NFAT5: variants seen among roughly 807,000 people sequenced by gnomAD.
The protein encoded by NFAT5 is nuclear factor of activated T-cells 5.
A neutral mutation model predicts 166.5 loss-of-function variants in NFAT5; 31 were observed. The ratio of observed to expected loss-of-function variants is 0.19; its 90% CI spans 0.14 to 0.25. The LOEUF is 0.25. NFAT5 is among the 10% of genes least tolerant of loss of function. The pLI is 1.00. For missense variants in NFAT5, 1,449 were observed against 1,821.8 expected, an observed-to-expected ratio of 0.80 and a Z score of 3.72; for synonymous variants, 612 against 639.7, an observed-to-expected ratio of 0.96 and a Z score of 0.65.
At chr16:69,666,607 C>G (rs1389030858) in intron 7 of NFAT5, among the ~76,000 whole-genome samples, 4 of 152,112 alleles carry the variant, frequency 2.6e-5, no homozygotes, top group Non-Finnish European at 5.9e-5. Flanking sequence ...AAATACAAAT[C>G]AAAACCACAA....
intron 6 of NFAT5, among the ~76,000 whole-genome samples, chr16:69,657,188 TG>T (rs2035915899): frequency 1.3e-5 from 2 of 151,624 alleles, no homozygotes; most frequent in South Asian, 4.2e-4. Context: ...TGCAGTGGAG[TG>T]GCACGATCTC....
In NFAT5 at chr16:69,692,025, A is replaced by G. The variant is rs779328501; in HGVS notation, c.2200A>G (p.Thr734Ala). Reference protein sequence around the residue: ...QQATQFQTRETQSREILQSDG... With the variant: ...QQATQFQTREAQSREILQSDG... ...GGCTACACAGTTTCAGACAAGAGAA[A>G]CTCAGTCTAGAGAGATATTACAGTC... The change falls in exon 13 of 15, where the codon ACT becomes GCT. Residue 734 changes from threonine to alanine, a missense_variant. Physicochemically the swap from Thr to Ala is moderately conservative, Grantham distance 58. Transcript: ENST00000349945. The G allele has an allele frequency of 1.9e-6, 3 of 1,614,196 alleles. No homozygotes were observed. The highest frequency in any genetic ancestry group is 2.5e-6 in the Non-Finnish European group (3 of 1,180,044).
chr16:69,667,799 A>G (rs1241781624), intron 7 of NFAT5, among the ~76,000 whole-genome samples: 1 of 152,186 alleles, frequency 6.6e-6, no homozygotes, highest in African/African-American at 2.4e-5. Context: ...AAAAACAAGT[A>G]TCTATTTCCT....
At chr16:69,595,965 G>C (rs1453363566) in intron 2 of NFAT5, among the ~76,000 whole-genome samples, 1 of 152,134 alleles carries the variant, frequency 6.6e-6, no homozygotes, top group East Asian at 1.9e-4. Context: ...AGCTGGACTC[G>C]CAGGTCAACA....
chr16:69,572,186 C>G (rs1238895556), intron 2 of NFAT5, among the ~76,000 whole-genome samples: 1 of 152,078 alleles, frequency 6.6e-6, no homozygotes, highest in African/African-American at 2.4e-5. Flanking sequence ...AAATTTAATA[C>G]GATGATTGCC....
chr16:69,690,595 TC>T (rs1443709536), intron 11 of NFAT5: 1 of 153,708 alleles, frequency 6.5e-6, no homozygotes, highest in Non-Finnish European at 1.4e-5. Flanking sequence ...AGCTTTATCC[TC>T]CTGGAGATTT....
intron 11 of NFAT5, among the ~76,000 whole-genome samples, chr16:69,690,224 A>C (rs1357978967): frequency 4.6e-5 from 7 of 151,606 alleles, no homozygotes; most frequent in Non-Finnish European, 5.9e-5. Flanking sequence ...AGAACTAACT[A>C]CTCCTGAAAA....
intron 3 of NFAT5, among the ~76,000 whole-genome samples, chr16:69,639,433 T>C (rs1291022625): frequency 6.6e-6 from 1 of 152,162 alleles, no homozygotes; most frequent in Non-Finnish European, 1.5e-5. Context: ...AGAATTCAGA[T>C]TAAAAACTGG....
chr16:69,673,565 A>G (rs922550316), intron 9 of NFAT5, among the ~76,000 whole-genome samples: 3 of 152,114 alleles, frequency 2.0e-5, no homozygotes, highest in African/African-American at 7.2e-5. Context: ...TCTACAAAAA[A>G]TTTAAAATAT....
intron 7 of NFAT5, among the ~76,000 whole-genome samples, chr16:69,664,233 T>C (rs1421979899): frequency 6.6e-6 from 1 of 152,222 alleles, no homozygotes; most frequent in East Asian, 1.9e-4. Flanking sequence ...CAGGTTGAAA[T>C]ATTTGCTTAC....
chr16:69,584,320 CTTT>C (rs544753398), intron 2 of NFAT5, among the ~76,000 whole-genome samples: 246 of 139,678 alleles, frequency 1.8e-3, no homozygotes, highest in South Asian at 2.5e-3. Context: ...TTCTGTGTCT[CTTT>C]TTTTTTTTTT....
intron 2 of NFAT5, among the ~76,000 whole-genome samples, chr16:69,621,019 T>C (rs2034171835): frequency 6.6e-6 from 1 of 152,246 alleles, no homozygotes; most frequent in East Asian, 1.9e-4. Flanking sequence ...CAATAACTTA[T>C]AAAGATTTTT....
At chr16:69,658,773 G>C (rs1392253703) in intron 6 of NFAT5, among the ~76,000 whole-genome samples, 3 of 152,154 alleles carry the variant, frequency 2.0e-5, no homozygotes, top group Non-Finnish European at 2.9e-5. Flanking sequence ...GTTGTAGTGA[G>C]CTGAGGTAGC....
chr16:69,700,228 C>T lies in NFAT5; in HGVS notation c.*3877C>T, dbSNP rs1436915626. 1 of 151,712 alleles carries T rather than the reference C, an allele frequency of 6.6e-6. No individual in the cohort carries two copies. The highest frequency in any genetic ancestry group is 1.5e-5 in the Non-Finnish European group (1 of 67,966). 9.4% of individuals were successfully genotyped at this position (151,712 alleles called of 1,614,324 possible). A position where few individuals can be genotyped will look rare whatever the true frequency, so the allele number is the denominator to read the frequency against. ...CCTTTCTTCCATTCATCCTTCCTTG[C>T]CTTTTATTTTTATTTTTTGTAATAT... is the stretch of plus-strand genomic sequence containing the variant. On this transcript the variant is annotated 3_prime_UTR_variant, in exon 15 of 15. Coordinates refer to ENST00000349945, the MANE Select transcript of NFAT5 (RefSeq NM_138713.4).
At chr16:69,681,872 C>T (rs941894507) in intron 10 of NFAT5, among the ~76,000 whole-genome samples, 1 of 149,360 alleles carries the variant, frequency 6.7e-6, no homozygotes, top group Non-Finnish European at 1.5e-5. Flanking sequence ...AAGCTGAGAT[C>T]GCGCCACTGT....
chr16:69,578,819 C>G (rs2031471166), intron 2 of NFAT5, among the ~76,000 whole-genome samples: 1 of 151,236 alleles, frequency 6.6e-6, no homozygotes, highest in Non-Finnish European at 1.5e-5. Flanking sequence ...TTATAAACAC[C>G]TTGATAATTG....
Position 69,694,134 on chromosome 16 carries a change from G to C in NFAT5, c.4309G>C (p.Ala1437Pro), listed in dbSNP as rs1346233245. Residue 1437 changes from alanine (A) to proline (P), a missense_variant, in exon 13 of 15, where the codon GCT becomes CCT. Ala to Pro is a conservative substitution (Grantham distance 27, BLOSUM62 -1). Around this residue, in one of 7 missense-constraint regions of NFAT5, gnomAD observed 891 missense variants for 993.0 expected, o/e 0.90. Coordinates refer to ENST00000349945, the MANE Select transcript of NFAT5 (RefSeq NM_138713.4). ...AGCCACATCTTCGCCTCAACCACAG[G>C]CTACTTTATTTCACAACACAGCAGG... ...QGATSSPQPQ[A>P]TLFHNTAGGT... is the part of the protein sequence containing the mutation. The C allele has an allele frequency of 5.0e-6, 8 of 1,613,992 alleles. No homozygotes were observed. The highest frequency in any genetic ancestry group is 6.8e-6 in the Non-Finnish European group (8 of 1,180,026).
chr16:69,685,403 C>G (rs561055863), intron 11 of NFAT5: 1 of 151,516 alleles, frequency 6.6e-6, no homozygotes, highest in Admixed American at 6.6e-5. Flanking sequence ...AAAAATTAGC[C>G]AGGGGTGGTG....
Position 69,680,096 on chromosome 16 carries a change from C to T in NFAT5, c.1690+2761C>T, listed in dbSNP as rs188617514. On this transcript the variant is annotated intron_variant, in intron 10 of 14. Coordinates refer to ENST00000349945, the MANE Select transcript of NFAT5 (RefSeq NM_138713.4). The stretch of plus-strand genomic sequence containing the variant: ...TTGCGCCAGTGTACTCCAGCCTGGG[C>T]GACAGAGCAAGACTCCATCTCAAAA... Among the ~76,000 whole-genome samples, 21 of 151,950 alleles carry T rather than the reference C, an allele frequency of 1.4e-4. 2 individuals are homozygous for T. Among genetic ancestry groups the T allele is most frequent in the South Asian group, 4.2e-4 (2 of 4,782 alleles).
Sources: allele counts gnomAD v4.1 joint callset (sites outside exome capture counted in the v4.1 genomes callset), GRCh38; gene constraint gnomAD v4.1.1; regional missense constraint gnomAD v4.1.1; transcripts MANE v1.5; gene names NCBI Gene and HGNC (gene_info 2026-07-23, HGNC 2026-07-21).